The following CD99L2 variants were observed in gnomAD, a reference collection of about 807,000 sequenced individuals.
The protein encoded by CD99L2 is CD99 antigen-like protein 2.
Under a neutral mutation model 27.3 loss-of-function variants are expected in CD99L2, and 24 were observed. The observed-to-expected ratio is 0.88, with a 90% CI of 0.64 to 1.24. The LOEUF (loss-of-function observed/expected upper bound fraction) is 1.24. CD99L2 is among the 50% of genes most tolerant of loss of function. The probability of loss-of-function intolerance (pLI) is 0.00; values close to 1 mark genes in which losing one functional copy is unlikely to be tolerated. For synonymous variants in CD99L2, 97 were observed against 87.9 expected, an observed-to-expected ratio of 1.10 and a Z score of -0.58; for missense variants, 255 against 221.6, an observed-to-expected ratio of 1.15 and a Z score of -0.96.
chrX:150,844,495 C>T (rs1429994003), intron 1 of CD99L2, among the ~76,000 whole-genome samples: 1 of 111,792 alleles, frequency 8.9e-6, no homozygotes, highest in Non-Finnish European at 1.9e-5. Context: ...GTTGTTAGTC[C>T]CCAGTTTCCC....
At chrX:150,852,205 C>G (rs1170463849) in intron 1 of CD99L2, among the ~76,000 whole-genome samples, 1 of 111,610 alleles carries the variant, frequency 9.0e-6, no homozygotes, top group Non-Finnish European at 1.9e-5. Flanking sequence ...TGCATTTGGC[C>G]AAAACAACAT....
At chrX:150,777,576 C>T (rs1240892430) in intron 7 of CD99L2, 94 bp from the exon 8 acceptor site, 3 of 916,247 alleles carry the variant, frequency 3.3e-6, no homozygotes, top group African/African-American at 2.0e-5. Context: ...CTGGCCCTTC[C>T]AATCCCACCT....
Position 150,818,201 on chromosome X carries a change from G to GATATATATATATATATATATATAT in CD99L2, c.131-2124_131-2123insATATATATATATATATATATATAT, listed in dbSNP as rs368100797. 4.2e-3 allele frequency among the ~76,000 whole-genome samples: 361 copies of GATATATATATATATATATATATAT among 85,979 alleles called. 7 individuals are homozygous for GATATATATATATATATATATATAT. The highest frequency in any genetic ancestry group is 9.1e-3 in the African/African-American group (207 of 22,634). The allele number at this position is 85,979 out of a possible 115,157, so 74.7% of individuals were successfully genotyped here. ...CAATCACAGAAGAAACAAGTAGGCAGATATATATATATATATATATATGAC... is the reference window on the plus strand; with the variant it reads ...CAATCACAGAAGAAACAAGTAGGCAGATATATATATATATATATATATATATATATATATATATATATATATGAC... On this transcript the variant is annotated intron_variant, in intron 2 of 10. Coordinates refer to ENST00000370377, the MANE Select transcript of CD99L2 (RefSeq NM_031462.4).
intron 7 of CD99L2, among the ~76,000 whole-genome samples, chrX:150,787,784 T>G: frequency 1.0e-5 from 1 of 99,963 alleles, no homozygotes; most frequent in Admixed American, 1.1e-4. Flanking sequence ...CTAGGAGATA[T>G]ACCTAATGTA....
chrX:150,840,249 A>G (rs2046603715), intron 1 of CD99L2, among the ~76,000 whole-genome samples: 1 of 110,941 alleles, frequency 9.0e-6, no homozygotes, highest in African/African-American at 3.3e-5. Context: ...GAAAGAAAAA[A>G]AAGAAAAAAG....
intron 7 of CD99L2, among the ~76,000 whole-genome samples, chrX:150,782,152 T>C (rs2045523522): frequency 8.9e-6 from 1 of 112,563 alleles, no homozygotes; most frequent in Non-Finnish European, 1.9e-5. Context: ...TAGACTCTTC[T>C]AATAGACATA....
intron 1 of CD99L2, among the ~76,000 whole-genome samples, chrX:150,859,153 G>A (rs2046935538): frequency 8.9e-6 from 1 of 111,857 alleles, no homozygotes; most frequent in African/African-American, 3.2e-5. Context: ...ATTGAATCAG[G>A]AAGAAATAGA....
chrX:150,882,451 G>A (rs1347397675), intron 1 of CD99L2, among the ~76,000 whole-genome samples: 1 of 112,152 alleles, frequency 8.9e-6, no homozygotes, highest in African/African-American at 3.2e-5. Flanking sequence ...CAGGCTGGAC[G>A]CAGTGGCTCA....
At chrX:150,822,386 G>C (rs2046255432) in intron 2 of CD99L2, among the ~76,000 whole-genome samples, 1 of 111,938 alleles carries the variant, frequency 8.9e-6, no homozygotes, top group African/African-American at 3.2e-5. Flanking sequence ...GAGAGAAACT[G>C]CTTGATAGGT....
intron 1 of CD99L2, among the ~76,000 whole-genome samples, chrX:150,888,994 T>C (rs1402441996): frequency 8.9e-6 from 1 of 112,791 alleles, no homozygotes; most frequent in African/African-American, 3.2e-5. Flanking sequence ...AGGTTCATTA[T>C]GCAGCAATAG....
chrX:150,833,561 T>C (rs1323094785), intron 1 of CD99L2, among the ~76,000 whole-genome samples: 5 of 111,880 alleles, frequency 4.5e-5, no homozygotes, highest in African/African-American at 9.7e-5. Context: ...AAATATATTA[T>C]AAAGCTATTG....
At chrX:150,781,685 T>C (rs1372956564) in intron 7 of CD99L2, among the ~76,000 whole-genome samples, 1 of 112,002 alleles carries the variant, frequency 8.9e-6, no homozygotes, top group Non-Finnish European at 1.9e-5. Context: ...GCCATAACTC[T>C]AGGGACTGCT....
intron 6 of CD99L2, among the ~76,000 whole-genome samples, chrX:150,794,270 C>T (rs2045751064): frequency 9.0e-6 from 1 of 111,373 alleles, no homozygotes; most frequent in African/African-American, 3.3e-5. Flanking sequence ...CCTATAGCTG[C>T]AAGGGAATGT....
chrX:150,800,623 C>G (rs781883086), intron 4 of CD99L2, among the ~76,000 whole-genome samples: 1 of 110,879 alleles, frequency 9.0e-6, no homozygotes, highest in African/African-American at 3.3e-5. Context: ...TGCAGGGGGT[C>G]CCAGAACCAA....
chrX:150,774,823 C>T (rs1280820224), intron 9 of CD99L2, among the ~76,000 whole-genome samples: 1 of 112,002 alleles, frequency 8.9e-6, no homozygotes, highest in Non-Finnish European at 1.9e-5. Context: ...TTAGAGGATT[C>T]CTTGATTTTT....
At chrX:150,779,944 T>A (rs1453699862) in intron 7 of CD99L2, among the ~76,000 whole-genome samples, 1 of 112,140 alleles carries the variant, frequency 8.9e-6, no homozygotes, top group Admixed American at 9.5e-5. Flanking sequence ...CTTGTGTGCT[T>A]CAAAGGACAT....
chrX:150,824,059 G>A (rs1196378344), intron 2 of CD99L2, among the ~76,000 whole-genome samples: 7 of 96,951 alleles, frequency 7.2e-5, no homozygotes, highest in Non-Finnish European at 1.2e-4. Context: ...AGAAGAGGAG[G>A]AGGAAGAGGA....
chrX:150,770,226 T>C, intron 10 of CD99L2, 78 bp downstream of exon 10: 1 of 984,113 alleles, frequency 1.0e-6, no homozygotes, highest in East Asian at 3.1e-5. Flanking sequence ...GCTTCCCTGC[T>C]TCTCTAGCAC....
chrX:150,794,867 TCAATA>T (rs1557419845), intron 6 of CD99L2, among the ~76,000 whole-genome samples: 1 of 112,820 alleles, frequency 8.9e-6, no homozygotes, highest in Non-Finnish European at 1.9e-5. Flanking sequence ...GCCGCTCTCC[TCAATA>T]CAAGTTTTTG....
Sources: allele counts gnomAD v4.1 joint callset (sites outside exome capture counted in the v4.1 genomes callset), GRCh38; gene constraint gnomAD v4.1.1; transcripts MANE v1.5; gene names NCBI Gene and HGNC (gene_info 2026-07-23, HGNC 2026-07-21).